The following PIEZO2 variants were observed in gnomAD, a reference collection of about 807,000 sequenced individuals.
PIEZO2 encodes the protein piezo type mechanosensitive ion channel component 2.
A neutral mutation model predicts 337.3 loss-of-function variants in PIEZO2; 172 were observed. The observed-to-expected ratio is 0.51, with a 90% CI of 0.45 to 0.58. PIEZO2 has a LOEUF of 0.58. PIEZO2 is among the 20% of genes least tolerant of loss of function. The probability of loss-of-function intolerance (pLI) is 0.00; values close to 1 mark genes in which losing one functional copy is unlikely to be tolerated. For synonymous variants in PIEZO2, 1,251 were observed against 1,228.5 expected (o/e 1.02, Z -0.38); for missense variants, 3,028 against 3,391.3 (o/e 0.89, Z 2.66).
chr18:11,067,416 G>A (rs900929350), intron 1 of PIEZO2, among the ~76,000 whole-genome samples: 5 of 152,064 alleles, frequency 3.3e-5, no homozygotes, highest in African/African-American at 1.2e-4. Flanking sequence ...GAATGTAAAT[G>A]GATTAAATTC....
chr18:10,698,600 G>A (rs1427293039), intron 44 of PIEZO2, among the ~76,000 whole-genome samples: 3 of 152,148 alleles, frequency 2.0e-5, no homozygotes, highest in Admixed American at 1.3e-4. Flanking sequence ...CTCTGGACAC[G>A]CCCTGCAGAT....
intron 36 of PIEZO2, among the ~76,000 whole-genome samples, chr18:10,725,831 CCAGATCCTGGGAATGGACTTGG>C (rs2036513843): frequency 6.6e-6 from 1 of 152,180 alleles, no homozygotes; most frequent in South Asian, 2.1e-4. Context: ...GGATGGAAGG[CCAGATCCTGGGAATGGACTTGG>C]CTTGAGGACA....
intron 35 of PIEZO2, among the ~76,000 whole-genome samples, 59 bp downstream of exon 35, chr18:10,735,162 GAAGGTATATTT>G (rs1352281403): frequency 6.6e-6 from 1 of 152,130 alleles, no homozygotes; most frequent in Non-Finnish European, 1.5e-5. Context: ...ATAGGGCAAT[GAAGGTATATTT>G]CTCTACATTT....
intron 49 of PIEZO2, among the ~76,000 whole-genome samples, chr18:10,686,257 G>A (rs547941590): frequency 6.6e-6 from 1 of 152,296 alleles, no homozygotes; most frequent in Admixed American, 6.5e-5. Flanking sequence ...GCGAATATAA[G>A]ATTCAACATC....
At chr18:10,966,007 G>A (rs564149965) in intron 3 of PIEZO2, among the ~76,000 whole-genome samples, 17 of 152,294 alleles carry the variant, frequency 1.1e-4, no homozygotes, top group African/African-American at 4.1e-4. Flanking sequence ...AACGGATAAA[G>A]AAATGGATGC....
At chr18:10,831,134 A>G (rs181409616) in intron 7 of PIEZO2, among the ~76,000 whole-genome samples, 261 of 152,298 alleles carry the variant, frequency 1.7e-3, no homozygotes, top group Admixed American at 5.4e-3. Context: ...CAAAAAAACT[A>G]AAAATAGAGC....
chr18:10,883,172 A>G (rs966964823), intron 4 of PIEZO2, among the ~76,000 whole-genome samples: 6 of 152,082 alleles, frequency 3.9e-5, no homozygotes, highest in African/African-American at 1.4e-4. Flanking sequence ...TTATCTGTTG[A>G]TGGACACAGG....
intron 50 of PIEZO2, 147 bp from the exon 51 acceptor site, chr18:10,681,900 G>T: frequency 1.2e-6 from 1 of 850,950 alleles, no homozygotes; most frequent in Non-Finnish European, 1.8e-6. Context: ...TCTCTTTTTG[G>T]AGTGATTATT....
chr18:10,977,976 G>T (rs916892472), intron 3 of PIEZO2, among the ~76,000 whole-genome samples: 1 of 152,116 alleles, frequency 6.6e-6, no homozygotes, highest in African/African-American at 2.4e-5. Flanking sequence ...TGATGATAGT[G>T]CTTTGGAATT....
chr18:10,705,263 T>C, intron 41 of PIEZO2, 73 bp downstream of exon 41: 2 of 1,425,498 alleles, frequency 1.4e-6, no homozygotes, highest in Admixed American at 5.6e-5. Flanking sequence ...AATTTTTCTG[T>C]ATACAGAATT....
At chr18:11,135,998 G>C (rs1272893206) in intron 1 of PIEZO2, among the ~76,000 whole-genome samples, 2 of 152,252 alleles carry the variant, frequency 1.3e-5, no homozygotes, top group African/African-American at 2.4e-5. Flanking sequence ...TAAGTAATAA[G>C]TTTGGAAGGA....
At position 11,127,298 on chromosome 18, in the gene PIEZO2, T is replaced by C. The variant is rs532924534; in HGVS notation, c.64+21227A>G. Among the ~76,000 whole-genome samples, 7 of 152,262 alleles carry C rather than the reference T, an allele frequency of 4.6e-5. No individual in the cohort carries two copies. In the East Asian group the frequency reaches 1.4e-3, roughly 29 times the overall value. ...TGCAAAGAACTTAAAGCAAAAATAGTTGCATCTGAATGTGATGGTTAATAC... is the reference window on the plus strand; with the variant it reads ...TGCAAAGAACTTAAAGCAAAAATAGCTGCATCTGAATGTGATGGTTAATAC... On this transcript the variant is annotated intron_variant, in intron 1 of 55. Transcript: ENST00000674853. The surrounding 1 kb of genome is among the most constrained non-coding windows in gnomAD (Gnocchi z 4.5).
intron 3 of PIEZO2, among the ~76,000 whole-genome samples, chr18:10,966,803 A>C (rs2034020508): frequency 6.6e-6 from 1 of 151,980 alleles, no homozygotes; most frequent in Non-Finnish European, 1.5e-5. Flanking sequence ...CCCAAAGTCC[A>C]TTGTATCATT....
At chr18:11,063,763 G>A (rs1269950290) in intron 2 of PIEZO2, among the ~76,000 whole-genome samples, 1 of 152,184 alleles carries the variant, frequency 6.6e-6, no homozygotes, top group Admixed American at 6.5e-5. Flanking sequence ...CTTGCTGACA[G>A]TCCCTTCAGT....
At chr18:10,684,329 CTAA>C (rs1452072426) in intron 49 of PIEZO2, among the ~76,000 whole-genome samples, 1 of 7,854 alleles carries the variant, frequency 1.3e-4, no homozygotes, top group Non-Finnish European at 6.7e-4. Flanking sequence ...CCATGCCTGG[CTAA>C]TTTTTTGTAT....
chr18:10,720,417 A>ATGTG (rs1428181185), intron 36 of PIEZO2, among the ~76,000 whole-genome samples: 1 of 4,098 alleles, frequency 2.4e-4, no homozygotes, highest in South Asian at 8.6e-3. Context: ...GTGTATGTGT[A>ATGTG]TGTATATATA....
Position 10,905,834 on chromosome 18 carries a change from C to T in PIEZO2, c.329+5352G>A, listed in dbSNP as rs535658565. 2.3e-3 allele frequency among the ~76,000 whole-genome samples: 350 copies of T among 152,230 alleles called. 2 individuals carry two copies. The highest frequency in any genetic ancestry group is 7.1e-3 in the African/African-American group (296 of 41,542). On this transcript the variant is annotated intron_variant, in intron 4 of 55. Transcript: ENST00000674853. ...CTATTAAGAAGTCATTAATCTATCC[C>T]ACAAACATCAGATTAGCTAGTATAT...
chr18:10,945,476 T>C lies in PIEZO2; in HGVS notation c.286+34059A>G, dbSNP rs752420648. On this transcript the variant is annotated intron_variant, in intron 3 of 55. Coordinates refer to ENST00000674853, the MANE Select transcript of PIEZO2 (RefSeq NM_001378183.1). This position sits in a 1 kb window ranked among gnomAD's most constrained non-coding sequence, Gnocchi z 4.0. ...AGTAGTGGGGAAAAATGCCCATGGA[T>C]TGAAATTGGTCTGGTCTTGCCTCAC... Among the ~76,000 whole-genome samples, 1 of 152,176 alleles carries C rather than the reference T, an allele frequency of 6.6e-6. No homozygotes were observed. The highest frequency in any genetic ancestry group is 1.5e-5 in the Non-Finnish European group (1 of 68,030).
At chr18:10,788,924 T>C (rs529345967) in intron 15 of PIEZO2, among the ~76,000 whole-genome samples, 155 bp downstream of exon 15, 1 of 152,320 alleles carries the variant, frequency 6.6e-6, no homozygotes, top group East Asian at 1.9e-4. Context: ...AGACAGTCAT[T>C]TCCCATTTTA....
Sources: allele counts gnomAD v4.1 joint callset (sites outside exome capture counted in the v4.1 genomes callset), GRCh38; gene constraint gnomAD v4.1.1; non-coding constraint Gnocchi (gnomAD v3.1); transcripts MANE v1.5; gene names NCBI Gene and HGNC (gene_info 2026-07-23, HGNC 2026-07-21).